DLGAP2: variants seen among roughly 807,000 people sequenced by gnomAD.
The protein encoded by DLGAP2 is disks large-associated protein 2.
DLGAP2 carries 26 observed loss-of-function variants against 100.3 expected under a neutral mutation model. The observed-to-expected ratio is 0.26, with a 90% confidence interval of 0.19 to 0.36. The LOEUF (loss-of-function observed/expected upper bound fraction) is 0.36. DLGAP2 is among the 10% of genes least tolerant of loss of function. The pLI is 1.00. For missense variants in DLGAP2, 1,858 were observed against 1,453.2 expected (o/e 1.28, Z -4.53); for synonymous variants, 886 against 630.1 (o/e 1.41, Z -6.08).
intron 2 of DLGAP2, among the ~76,000 whole-genome samples, chr8:1,031,496 C>T (rs578054508): frequency 2.6e-5 from 4 of 152,206 alleles, no homozygotes; most frequent in Admixed American, 6.5e-5. Context: ...AGTACAGCCT[C>T]AACCTCCCGG....
intron 1 of DLGAP2, among the ~76,000 whole-genome samples, chr8:862,863 G>C (rs959931065): frequency 6.6e-6 from 1 of 152,094 alleles, no homozygotes; most frequent in Non-Finnish European, 1.5e-5. Flanking sequence ...TCATGATGTT[G>C]TTTTATATTT....
intron 2 of DLGAP2, among the ~76,000 whole-genome samples, chr8:1,121,351 G>A (rs1796042406): frequency 8.3e-6 from 1 of 120,946 alleles, no homozygotes. Context: ...TCCTCGCCCA[G>A]TTAGAACCCA....
intron 1 of DLGAP2, among the ~76,000 whole-genome samples, chr8:743,180 G>T (rs982366154): frequency 6.6e-6 from 1 of 152,168 alleles, no homozygotes; most frequent in Non-Finnish European, 1.5e-5. Context: ...TTAGAAAATA[G>T]AAATAGAAAA....
rs1381049097 is a variant in DLGAP2, at chr8:1,211,619, T to C, written c.74-47232T>C. Among the ~76,000 whole-genome samples, 4 of 152,342 alleles carry C rather than the reference T, an allele frequency of 2.6e-5. No homozygotes were observed. The East Asian group carries it at 7.7e-4, about 29-fold the overall frequency. ...GTCCAGGCACAGTGGCACACGCCTG[T>C]AATCCCAGCACTTTGGGAGGCCAAG... On this transcript the variant is annotated intron_variant, in intron 2 of 14. Coordinates refer to ENST00000637795, the MANE Select transcript of DLGAP2 (RefSeq NM_001346810.2).
At chr8:1,370,104 A>G (rs1585307471) in intron 3 of DLGAP2, among the ~76,000 whole-genome samples, 1 of 152,038 alleles carries the variant, frequency 6.6e-6, no homozygotes. Context: ...CTTTTCTCCC[A>G]CAGGTCTTCG....
chr8:1,558,582 A>G (rs531587990), intron 5 of DLGAP2, among the ~76,000 whole-genome samples: 1 of 151,952 alleles, frequency 6.6e-6, no homozygotes, highest in Non-Finnish European at 1.5e-5. Context: ...ACATACACAC[A>G]TAGGCATGCA....
intron 2 of DLGAP2, among the ~76,000 whole-genome samples, chr8:1,052,127 A>G (rs1259021058): frequency 6.6e-6 from 1 of 151,890 alleles, no homozygotes; most frequent in Non-Finnish European, 1.5e-5. Flanking sequence ...CAGAGTGCCT[A>G]TTGTGGGCAC....
chr8:1,487,781 C>T (rs768017267), intron 3 of DLGAP2, among the ~76,000 whole-genome samples: 10 of 152,210 alleles, frequency 6.6e-5, no homozygotes, highest in Non-Finnish European at 1.3e-4. Context: ...AGGTCCTCAT[C>T]CTCAAGGGCT....
chr8:989,834 G>C (rs1236121470), intron 2 of DLGAP2, among the ~76,000 whole-genome samples: 1 of 152,140 alleles, frequency 6.6e-6, no homozygotes, highest in Non-Finnish European at 1.5e-5. Context: ...TGTGGCTTTG[G>C]AGGAAGTCTC....
chr8:1,249,628 G>A (rs1798992538), intron 2 of DLGAP2, among the ~76,000 whole-genome samples: 1 of 152,134 alleles, frequency 6.6e-6, no homozygotes, highest in Non-Finnish European at 1.5e-5. Flanking sequence ...TTCCTGAACT[G>A]AATGAAAGAC....
At chr8:1,102,264 C>T (rs1037866193) in intron 2 of DLGAP2, among the ~76,000 whole-genome samples, 34 of 146,706 alleles carry the variant, frequency 2.3e-4, no homozygotes, top group African/African-American at 8.2e-4. Context: ...TATATATTTA[C>T]ATACATATAT....
chr8:1,673,312 G>A (rs1373934609), intron 10 of DLGAP2, among the ~76,000 whole-genome samples: 2 of 152,196 alleles, frequency 1.3e-5, no homozygotes, highest in Non-Finnish European at 2.9e-5. Context: ...AGACTCTTGA[G>A]TTACCTTTCC....
rs111862317 is a variant in DLGAP2, at chr8:1,255,861, C to T, written c.74-2990C>T. On this transcript the variant is annotated intron_variant, in intron 2 of 14. Transcript: ENST00000637795. Reference sequence around the variant, plus strand: ...TGTGTGTCCTCTCCTGCCTGGGTGCCGTGTGTGTGTCCTCTCATCCTGCCT... The same window carrying T: ...TGTGTGTCCTCTCCTGCCTGGGTGCTGTGTGTGTGTCCTCTCATCCTGCCT... Among the ~76,000 whole-genome samples, 217 of 42,652 alleles carry T rather than the reference C, an allele frequency of 5.1e-3. 2 individuals are homozygous for T. Among genetic ancestry groups the T allele is most frequent in the African/African-American group, 0.029 (189 of 6,494 alleles). The allele number at this position is 42,652 out of a possible 152,430, so 28.0% of individuals were successfully genotyped here.
chr8:768,930 G>C (rs890424938), intron 1 of DLGAP2, among the ~76,000 whole-genome samples: 3 of 152,172 alleles, frequency 2.0e-5, no homozygotes, highest in Admixed American at 6.5e-5. Flanking sequence ...CAGGAGGCTG[G>C]CTCTGGTCTG....
At chr8:1,602,334 G>C (rs1023548255) in intron 6 of DLGAP2, among the ~76,000 whole-genome samples, 2 of 152,178 alleles carry the variant, frequency 1.3e-5, no homozygotes, top group Non-Finnish European at 2.9e-5. Flanking sequence ...CTGATGAATC[G>C]ATGTCACTGA....
chr8:1,067,581 C>G (rs1353110832), intron 2 of DLGAP2, among the ~76,000 whole-genome samples: 4 of 150,516 alleles, frequency 2.7e-5, no homozygotes, highest in South Asian at 2.1e-4. Flanking sequence ...GATGGGAAAA[C>G]CAAGACTCAG....
intron 6 of DLGAP2, among the ~76,000 whole-genome samples, chr8:1,600,496 C>T (rs373689072): frequency 5.9e-5 from 9 of 152,306 alleles, no homozygotes; most frequent in African/African-American, 2.2e-4. Flanking sequence ...CTCCCCGTCA[C>T]TTTCAGGTAC....
intron 7 of DLGAP2, 102 bp from the exon 8 acceptor site, chr8:1,632,725 A>G (rs759117146): frequency 3.7e-5 from 42 of 1,135,836 alleles, no homozygotes; most frequent in Non-Finnish European, 5.1e-5. Flanking sequence ...ACTATGAGGC[A>G]GTGAAAGGCA....
At chr8:759,695 C>G (rs1337686434) in intron 1 of DLGAP2, among the ~76,000 whole-genome samples, 1 of 152,208 alleles carries the variant, frequency 6.6e-6, no homozygotes, top group East Asian at 1.9e-4. Context: ...CTCCCTGCGA[C>G]TGGTTCCTGT....
Sources: allele counts gnomAD v4.1 joint callset (sites outside exome capture counted in the v4.1 genomes callset), GRCh38; gene constraint gnomAD v4.1.1; transcripts MANE v1.5; gene names NCBI Gene and HGNC (gene_info 2026-07-23, HGNC 2026-07-21).